ST8SIA5: variants seen among roughly 807,000 people sequenced by gnomAD.
ST8SIA5 encodes ST8 alpha-N-acetyl-neuraminide alpha-2,8-sialyltransferase 5.
ST8SIA5 carries 24 observed loss-of-function variants against 40.2 expected under a neutral mutation model. The ratio of observed to expected loss-of-function variants is 0.60; its 90% confidence interval spans 0.43 to 0.84. The LOEUF (loss-of-function observed/expected upper bound fraction) is 0.84, where lower values mean the gene tolerates loss of function less well. ST8SIA5 is among the 40% of genes least tolerant of loss of function. The pLI is 0.00. For missense variants in ST8SIA5, 465 were observed against 498.5 expected, an observed-to-expected ratio of 0.93 and a Z score of 0.64; for synonymous variants, 198 against 201.8, an observed-to-expected ratio of 0.98 and a Z score of 0.16.
chr18:46,723,158 TGA>T (rs1190978151), intron 1 of ST8SIA5: 3 of 165,100 alleles, frequency 1.8e-5, no homozygotes, highest in Non-Finnish European at 4.0e-5. Context: ...GCAGGATGGG[TGA>T]GTCAGATTAT....
intron 2 of ST8SIA5, among the ~76,000 whole-genome samples, chr18:46,701,876 G>A (rs1203229016): frequency 3.3e-5 from 5 of 152,122 alleles, no homozygotes; most frequent in Non-Finnish European, 5.9e-5. Flanking sequence ...AGCTGGGTGC[G>A]GTGGCTCACG....
intron 1 of ST8SIA5, among the ~76,000 whole-genome samples, chr18:46,732,693 T>C (rs1301876471): frequency 6.6e-6 from 1 of 152,246 alleles, no homozygotes. Flanking sequence ...TTAACTTTTG[T>C]GGGAGGATAA....
chr18:46,744,361 T>C (rs1480601192), intron 1 of ST8SIA5, among the ~76,000 whole-genome samples: 2 of 152,106 alleles, frequency 1.3e-5, no homozygotes, highest in East Asian at 3.9e-4. Flanking sequence ...AATAAAGGGA[T>C]GGAGGAAGAT....
chr18:46,705,906 A>T (rs376361280), intron 1 of ST8SIA5, among the ~76,000 whole-genome samples: 2 of 152,218 alleles, frequency 1.3e-5, no homozygotes, highest in East Asian at 1.9e-4. Flanking sequence ...CACTACACAC[A>T]GCAGTGGTCA....
Position 46,669,462 on chromosome 18 carries a change from G to A in ST8SIA5, c.*10580C>T, listed in dbSNP as rs2039295614. ...GTAAGAAAATGGATGGTGAAGGTGT[G>A]GAGAAAGTAAAAGTGTCACTTTCCC... On this transcript the variant is annotated 3_prime_UTR_variant, in exon 7 of 7. Coordinates refer to ENST00000315087, the MANE Select transcript of ST8SIA5 (RefSeq NM_013305.6). 1 of 152,154 alleles carries A rather than the reference G, an allele frequency of 6.6e-6. No individual in the cohort carries two copies. The allele number at this position is 152,154 out of a possible 1,614,324, so 9.4% of individuals were successfully genotyped here.
Position 46,747,364 on chromosome 18 carries a change from A to C in ST8SIA5, c.131+9014T>G, listed in dbSNP as rs574194845. Among the ~76,000 whole-genome samples the C allele has an allele frequency of 3.3e-5, 5 of 152,362 alleles. No individual in the cohort carries two copies. In the East Asian group the frequency reaches 9.6e-4, roughly 29 times the overall value. On this transcript the variant is annotated intron_variant, in intron 1 of 6. Coordinates refer to ENST00000315087, the MANE Select transcript of ST8SIA5 (RefSeq NM_013305.6). ...TCCAGAATCTACAAAGAATTTAAAC[A>C]AATTTACAAGAAAAAAACAAACAAC...
intron 2 of ST8SIA5, 47 bp downstream of exon 2, chr18:46,704,525 C>A (rs536700547): frequency 6.5e-7 from 1 of 1,544,790 alleles, no homozygotes. Context: ...CAACCCCTGC[C>A]CCACCTCCAC....
intron 1 of ST8SIA5, among the ~76,000 whole-genome samples, chr18:46,725,034 AGG>A (rs2039901890): frequency 6.6e-6 from 1 of 150,796 alleles, no homozygotes; most frequent in African/African-American, 2.5e-5. Flanking sequence ...GAAGGAAGGA[AGG>A]AAGGAAGGAA....
chr18:46,689,959 C>G (rs1055197195), intron 3 of ST8SIA5, among the ~76,000 whole-genome samples: 9 of 151,984 alleles, frequency 5.9e-5, no homozygotes, highest in African/African-American at 1.9e-4. Context: ...CTCCCAGTCA[C>G]AGAGAGCAGA....
intron 1 of ST8SIA5, among the ~76,000 whole-genome samples, chr18:46,717,878 T>A (rs1005647822): frequency 2.6e-5 from 4 of 152,068 alleles, no homozygotes; most frequent in African/African-American, 9.7e-5. Context: ...GAGCACCTAC[T>A]ACATAACAGG....
rs149615981 is a variant in ST8SIA5 at position 46,738,332 on chromosome 18, A to G, written c.131+18046T>C. On this transcript the variant is annotated intron_variant, in intron 1 of 6. Coordinates refer to ENST00000315087, the MANE Select transcript of ST8SIA5 (RefSeq NM_013305.6). ...GAGGGTATCACTGTGCTCCTGAGAG[A>G]TATCTGAGGAAGGTACAGGAAACTC... Among the ~76,000 whole-genome samples, 17 of 151,776 alleles carry G rather than the reference A, an allele frequency of 1.1e-4. No homozygotes were observed. The East Asian group carries it at 3.3e-3, about 29-fold the overall frequency.
intron 1 of ST8SIA5, among the ~76,000 whole-genome samples, chr18:46,755,433 G>T (rs2040233433): frequency 6.6e-6 from 1 of 152,190 alleles, no homozygotes. Context: ...CTAAAAAACA[G>T]CCCAGCAGCT....
intron 1 of ST8SIA5, among the ~76,000 whole-genome samples, chr18:46,725,478 G>C (rs1030698726): frequency 6.6e-6 from 1 of 152,022 alleles, no homozygotes; most frequent in Non-Finnish European, 1.5e-5. Context: ...CTATAGAAGC[G>C]AGGGACTACT....
intron 3 of ST8SIA5, among the ~76,000 whole-genome samples, chr18:46,690,383 G>A (rs902503368): frequency 6.6e-6 from 1 of 152,080 alleles, no homozygotes; most frequent in Non-Finnish European, 1.5e-5. Context: ...AGCAAAGGGA[G>A]GCAATGACCA....
chr18:46,688,686 C>T (rs2039472154), intron 4 of ST8SIA5, 89 bp downstream of exon 4: 2 of 1,497,474 alleles, frequency 1.3e-6, no homozygotes, highest in Admixed American at 4.1e-5. Flanking sequence ...GTGAGTGAGT[C>T]AGGCAAAACC....
chr18:46,669,709 C>T lies in ST8SIA5; in HGVS notation c.*10333G>A, dbSNP rs1714818812. On this transcript the variant is annotated 3_prime_UTR_variant, in exon 7 of 7. Coordinates refer to ENST00000315087, the MANE Select transcript of ST8SIA5 (RefSeq NM_013305.6). Reference sequence around the variant, plus strand: ...TGGAAGGGGCTTGTCCCCCCACCACCTGCCCTTTTTTCTTAGGAGAGAGGT... The same window carrying T: ...TGGAAGGGGCTTGTCCCCCCACCACTTGCCCTTTTTTCTTAGGAGAGAGGT... The T allele has an allele frequency of 6.6e-6, 1 of 152,116 alleles. No individual in the cohort carries two copies. The highest frequency in any genetic ancestry group is 6.5e-5 in the Admixed American group (1 of 15,268). 9.4% of individuals were successfully genotyped at this position (152,116 alleles called of 1,614,324 possible).
chr18:46,752,873 C>A (rs2040207305), intron 1 of ST8SIA5, among the ~76,000 whole-genome samples: 1 of 152,210 alleles, frequency 6.6e-6, no homozygotes, highest in Admixed American at 6.5e-5. Flanking sequence ...AAGTTCTTCT[C>A]ACTTTCACTG....
chr18:46,682,048 T>C lies in ST8SIA5; in HGVS notation c.586A>G (p.Ile196Val), dbSNP rs2144460472. 1 of 1,606,380 alleles carries C rather than the reference T, an allele frequency of 6.2e-7. No individual in the cohort carries two copies. The highest frequency in any genetic ancestry group is 8.5e-7 in the Non-Finnish European group (1 of 1,176,832). Residue 196 changes from isoleucine (I) to valine (V), a missense_variant, in exon 6 of 7, where the codon ATC (isoleucine) becomes GTC (valine). Coordinates refer to ENST00000315087, the MANE Select transcript of ST8SIA5 (RefSeq NM_013305.6). ...ACATCCATGGTGTACTTCTCTGAGA[T>C]GGGGGGCAGGTTGCACCTGCAGAAG... ...DFVFRCNLPPISEKYTMDVGV... is the reference protein window; with the variant it reads ...DFVFRCNLPPVSEKYTMDVGV...
chr18:46,688,623 T>G, intron 4 of ST8SIA5, 152 bp downstream of exon 4: 2 of 931,902 alleles, frequency 2.1e-6, no homozygotes, highest in Non-Finnish European at 3.1e-6. Context: ...GGTGGGCTTC[T>G]GCACCTCAGA....
Sources: gnomAD v4.1 joint callset for allele counts (sites outside exome capture counted in the v4.1 genomes callset) on GRCh38, gnomAD v4.1.1 for gene constraint, MANE v1.5 for transcripts, NCBI Gene and HGNC (gene_info 2026-07-23, HGNC 2026-07-21) for gene names.